SERGEF: variants seen among roughly 807,000 people sequenced by gnomAD.
The protein encoded by SERGEF is secretion-regulating guanine nucleotide exchange factor.
Under a neutral mutation model 50.0 loss-of-function variants are expected in SERGEF, and 51 were observed. The ratio of observed to expected loss-of-function variants is 1.02; its 90% CI spans 0.81 to 1.29. The LOEUF is 1.29. Among genes scored for constraint, SERGEF ranks in the 50% most tolerant of loss-of-function variants. SERGEF has a pLI of 0.00. For synonymous variants in SERGEF, 205 were observed against 212.4 expected (o/e 0.97, Z 0.30); for missense variants, 521 against 557.0 (o/e 0.94, Z 0.65).
intron 10 of SERGEF, among the ~76,000 whole-genome samples, chr11:17,837,037 G>A (rs529564672): frequency 6.6e-6 from 1 of 152,238 alleles, no homozygotes; most frequent in Admixed American, 6.5e-5. Flanking sequence ...TCTTTTAGAG[G>A]TATAAGAACT....
intron 10 of SERGEF, among the ~76,000 whole-genome samples, chr11:17,859,717 GA>G (rs1486728660): frequency 6.6e-6 from 1 of 152,058 alleles, no homozygotes; most frequent in African/African-American, 2.4e-5. Flanking sequence ...AAAGAAACAG[GA>G]ATTAGAAAAA....
chr11:17,815,991 A>G (rs960056482), intron 10 of SERGEF, among the ~76,000 whole-genome samples: 1 of 152,200 alleles, frequency 6.6e-6, no homozygotes, highest in Non-Finnish European at 1.5e-5. Flanking sequence ...TGTTTTTGCT[A>G]GTTAATGAGT....
intron 9 of SERGEF, among the ~76,000 whole-genome samples, chr11:17,886,503 T>C (rs117129725): frequency 0.016 from 2,404 of 152,086 alleles, 24 homozygotes; most frequent in Non-Finnish European, 0.026. Context: ...TCCCAGCTAG[T>C]TGGAAGACTG....
intron 8 of SERGEF, among the ~76,000 whole-genome samples, chr11:17,976,548 C>T (rs911407991): frequency 1.3e-4 from 19 of 148,500 alleles, no homozygotes; most frequent in African/African-American, 4.2e-4. Flanking sequence ...GATCCACCCG[C>T]CTTGGCCTCC....
At chr11:17,917,143 A>G (rs1852064598) in intron 9 of SERGEF, among the ~76,000 whole-genome samples, 1 of 152,260 alleles carries the variant, frequency 6.6e-6, no homozygotes, top group South Asian at 2.1e-4. Context: ...ACAATTTGCA[A>G]TTGCAAAACT....
At chr11:17,937,539 AAAT>A (rs1423388359) in intron 9 of SERGEF, among the ~76,000 whole-genome samples, 4 of 151,990 alleles carry the variant, frequency 2.6e-5, no homozygotes, top group African/African-American at 7.2e-5. Flanking sequence ...CTTCCCTCAA[AAAT>A]AATAATAATA....
intron 10 of SERGEF, among the ~76,000 whole-genome samples, chr11:17,802,030 G>A (rs1296975206): frequency 1.3e-5 from 2 of 152,032 alleles, no homozygotes; most frequent in Non-Finnish European, 2.9e-5. Flanking sequence ...TATAACCACC[G>A]ACCCAAGTTC....
At chr11:17,841,505 TCA>T (rs2133862867) in intron 10 of SERGEF, among the ~76,000 whole-genome samples, 1 of 152,322 alleles carries the variant, frequency 6.6e-6, no homozygotes, top group South Asian at 2.1e-4. Context: ...GTTACTTCTC[TCA>T]CTCTATCCAG....
In SERGEF at chr11:18,004,529, C is replaced by A; in HGVS notation, c.359G>T (p.Gly120Val). 1 of 1,609,902 alleles carries A rather than the reference C, an allele frequency of 6.2e-7. No individual in the cohort carries two copies. Among genetic ancestry groups the A allele is most frequent in the Non-Finnish European group, 8.5e-7 (1 of 1,177,124 alleles). ...GTTGGATCCACATGATAGAACTTGA[C>A]CATTTTCTGCAAAATACAAATACTT... ...WDFTIMLTENGQVLSCGSNSF... is the reference protein window; with the variant it reads ...WDFTIMLTENVQVLSCGSNSF... Residue 120 changes from glycine to valine, a missense_variant, in exon 4 of 11, where the codon GGT becomes GTT. Coordinates refer to ENST00000265965, the MANE Select transcript of SERGEF (RefSeq NM_012139.4).
At chr11:17,852,772 T>C (rs188259895) in intron 10 of SERGEF, among the ~76,000 whole-genome samples, 174 of 152,302 alleles carry the variant, frequency 1.1e-3, no homozygotes, top group African/African-American at 3.6e-3. Flanking sequence ...AATACCCTGG[T>C]AGATGTTAGT....
At chr11:17,806,597 G>A (rs1849760725) in intron 10 of SERGEF, among the ~76,000 whole-genome samples, 1 of 152,160 alleles carries the variant, frequency 6.6e-6, no homozygotes, top group African/African-American at 2.4e-5. Context: ...GTATTGCTGG[G>A]TGACCTTAGG....
intron 10 of SERGEF, among the ~76,000 whole-genome samples, chr11:17,829,145 G>C (rs1850251376): frequency 6.6e-6 from 1 of 152,214 alleles, no homozygotes; most frequent in Non-Finnish European, 1.5e-5. Flanking sequence ...GAATCAGATA[G>C]ACCAGGGCTT....
At chr11:17,793,895 G>T (rs1198319275) in intron 10 of SERGEF, among the ~76,000 whole-genome samples, 1 of 152,252 alleles carries the variant, frequency 6.6e-6, no homozygotes, top group African/African-American at 2.4e-5. Flanking sequence ...TAAGAGCCCT[G>T]CAGGCAACGG....
chr11:17,834,665 C>T, intron 10 of SERGEF, among the ~76,000 whole-genome samples: 1 of 152,212 alleles, frequency 6.6e-6, no homozygotes, highest in East Asian at 1.9e-4. Flanking sequence ...TTCCTACTTT[C>T]CTAAACAAGC....
rs1271134227 is a variant in SERGEF, at chr11:17,884,437, A to C, written c.1012-6193T>G. On this transcript the variant is annotated intron_variant, in intron 9 of 10. Coordinates refer to ENST00000265965, the MANE Select transcript of SERGEF (RefSeq NM_012139.4). This position sits in a 1 kb window ranked among gnomAD's most constrained non-coding sequence, Gnocchi z 4.6. ...GGCGTCTCGGTGCCGCCTTTGCTAG[A>C]GCTCTGCCCAAACCCGGTTTCCATC... Among the ~76,000 whole-genome samples the C allele has an allele frequency of 6.6e-6, 1 of 150,480 alleles. No homozygotes were observed. Among genetic ancestry groups the C allele is most frequent in the Non-Finnish European group, 1.5e-5 (1 of 67,538 alleles).
At position 17,805,267 on chromosome 11, in the gene SERGEF, A is replaced by C. The variant is rs189341168; in HGVS notation, c.1049-16854T>G. Among the ~76,000 whole-genome samples the C allele has an allele frequency of 2.6e-5, 4 of 152,326 alleles. No homozygotes were observed. The East Asian group carries it at 7.7e-4, about 29-fold the overall frequency. On this transcript the variant is annotated intron_variant, in intron 10 of 10. Transcript: ENST00000265965. Reference sequence around the variant, plus strand: ...GAGTCACTACCTCTCACAGGGTCTCAGTTTCTGCACCTATAAACTGAAAGC... The same window carrying C: ...GAGTCACTACCTCTCACAGGGTCTCCGTTTCTGCACCTATAAACTGAAAGC...
At chr11:17,882,748 A>G (rs1042166598) in intron 9 of SERGEF, among the ~76,000 whole-genome samples, 1 of 152,200 alleles carries the variant, frequency 6.6e-6, no homozygotes, top group Non-Finnish European at 1.5e-5. Flanking sequence ...AGTGTGGCCA[A>G]TCCAGTCCAA....
At chr11:17,875,851 C>T (rs528938287) in intron 10 of SERGEF, among the ~76,000 whole-genome samples, 2 of 152,310 alleles carry the variant, frequency 1.3e-5, no homozygotes, top group East Asian at 3.9e-4. Context: ...TATTTTGTGC[C>T]TTTTACATGT....
intron 10 of SERGEF, chr11:17,855,223 C>A (rs1565186413): frequency 6.6e-6 from 1 of 152,126 alleles, no homozygotes; most frequent in Non-Finnish European, 1.5e-5. Flanking sequence ...AGTAGGAGAG[C>A]CAGAGTATTA....
Sources: allele counts gnomAD v4.1 joint callset (sites outside exome capture counted in the v4.1 genomes callset), GRCh38; gene constraint gnomAD v4.1.1; non-coding constraint Gnocchi (gnomAD v3.1); transcripts MANE v1.5; gene names NCBI Gene and HGNC (gene_info 2026-07-23, HGNC 2026-07-21).